The following C1QTNF3 variants were observed in gnomAD, a reference collection of about 807,000 sequenced individuals.
The protein encoded by C1QTNF3 is C1q and TNF related 3.
C1QTNF3 carries 26 observed loss-of-function variants against 32.6 expected under a neutral mutation model. That is an observed-to-expected ratio of 0.80 (90% CI 0.58 to 1.11). The LOEUF (loss-of-function observed/expected upper bound fraction) is 1.11. Ranked by LOEUF, C1QTNF3 falls within the 50% of genes least tolerant of loss-of-function variation. The pLI, the probability that C1QTNF3 is intolerant of heterozygous loss-of-function variation, is 0.00. For synonymous variants in C1QTNF3, 155 were observed against 146.0 expected (o/e 1.06, Z -0.44); for missense variants, 362 against 398.2 (o/e 0.91, Z 0.77).
At chr5:34,207,933 G>A in the C1QTNF3 span, among the ~76,000 whole-genome samples, 434 of 151,972 alleles carry the variant, frequency 2.9e-3, 5 homozygotes, top group African/African-American at 9.8e-3. Context: ...GACTACAGGC[G>A]CCCGCCACCG....
chr5:34,153,966 C>G, the C1QTNF3 span, among the ~76,000 whole-genome samples: 3 of 150,514 alleles, frequency 2.0e-5, no homozygotes, highest in East Asian at 3.9e-4. Flanking sequence ...TATACACATA[C>G]CAAATAATTA....
At chr5:34,198,251 T>G in the C1QTNF3 span, among the ~76,000 whole-genome samples, 1 of 138,282 alleles carries the variant, frequency 7.2e-6, no homozygotes, top group East Asian at 2.0e-4. Context: ...CAAAAATAAA[T>G]AAATAAATAA....
the C1QTNF3 span, among the ~76,000 whole-genome samples, chr5:34,224,204 A>G: frequency 6.6e-6 from 1 of 152,220 alleles, no homozygotes; most frequent in Non-Finnish European, 1.5e-5. Flanking sequence ...AAGAATCAAT[A>G]TGGTGAAAAT....
the C1QTNF3 span, among the ~76,000 whole-genome samples, chr5:34,184,917 A>G: frequency 6.6e-6 from 1 of 152,300 alleles, no homozygotes; most frequent in African/African-American, 2.4e-5. Flanking sequence ...AAAAGATTAC[A>G]GCAGATTCTC....
chr5:34,085,042 G>C, the C1QTNF3 span, among the ~76,000 whole-genome samples: 3 of 130,516 alleles, frequency 2.3e-5, no homozygotes, highest in African/African-American at 9.0e-5. Context: ...CCAGGCTGGA[G>C]TACAGTGGTG....
the C1QTNF3 span, among the ~76,000 whole-genome samples, chr5:34,207,587 G>A: frequency 6.6e-6 from 1 of 151,822 alleles, no homozygotes; most frequent in Non-Finnish European, 1.5e-5. Flanking sequence ...GTTTTGTGCT[G>A]GGCTTCCATT....
the C1QTNF3 span, among the ~76,000 whole-genome samples, chr5:34,149,049 C>T: frequency 3.5e-5 from 1 of 28,350 alleles, no homozygotes; most frequent in African/African-American, 1.0e-4. Flanking sequence ...TCGAGAACTA[C>T]GTGAAGAATG....
chr5:34,029,067 G>A, intron 3 of C1QTNF3, 184 bp from the exon 4 acceptor site: 2 of 443,888 alleles, frequency 4.5e-6, no homozygotes, highest in East Asian at 7.2e-5. Flanking sequence ...CCATTAGATT[G>A]ACAATGTCTA....
At chr5:34,215,525 T>G in the C1QTNF3 span, among the ~76,000 whole-genome samples, 1 of 152,184 alleles carries the variant, frequency 6.6e-6, no homozygotes, top group African/African-American at 2.4e-5. Flanking sequence ...GAACCCCATT[T>G]AGGTTTAGGG....
the C1QTNF3 span, among the ~76,000 whole-genome samples, chr5:34,078,438 A>G: frequency 1.8e-3 from 281 of 152,012 alleles, 5 homozygotes; most frequent in African/African-American, 6.5e-3. The surrounding 1 kb of genome is among the most constrained non-coding windows in gnomAD (Gnocchi z 4.0). Flanking sequence ...AAGGGGAAGC[A>G]GGCACCTCCT....
the C1QTNF3 span, among the ~76,000 whole-genome samples, chr5:34,241,176 T>C: frequency 6.6e-6 from 1 of 151,648 alleles, no homozygotes; most frequent in Admixed American, 6.6e-5. Flanking sequence ...CCACAGCCAA[T>C]ATAATACTCA....
the C1QTNF3 span, among the ~76,000 whole-genome samples, chr5:34,122,192 A>C: frequency 2.0e-5 from 3 of 152,210 alleles, no homozygotes; most frequent in Non-Finnish European, 4.4e-5. Context: ...AAAGAGTTTC[A>C]AAGTGCATGG....
the C1QTNF3 span, among the ~76,000 whole-genome samples, chr5:34,088,285 T>C: frequency 6.6e-6 from 1 of 152,346 alleles, no homozygotes; most frequent in East Asian, 1.9e-4. Flanking sequence ...CTTGAATTCA[T>C]TTTTCACAAG....
chr5:34,081,865 A>T, the C1QTNF3 span, among the ~76,000 whole-genome samples: 8 of 151,766 alleles, frequency 5.3e-5, no homozygotes, highest in South Asian at 2.1e-4. Context: ...GAAACATATC[A>T]TAGTATTTTT....
At chr5:34,173,851 T>A in the C1QTNF3 span, among the ~76,000 whole-genome samples, 2 of 151,044 alleles carry the variant, frequency 1.3e-5, no homozygotes, top group African/African-American at 4.9e-5. Flanking sequence ...GATAGAAGGA[T>A]CTTACAGTGA....
chr5:34,227,699 C>T, the C1QTNF3 span, among the ~76,000 whole-genome samples: 1 of 151,912 alleles, frequency 6.6e-6, no homozygotes, highest in African/African-American at 2.4e-5. Flanking sequence ...AATGGGTTAA[C>T]ATAAACTTTA....
chr5:34,213,786 CAT>C, the C1QTNF3 span, among the ~76,000 whole-genome samples: 2 of 15,454 alleles, frequency 1.3e-4, no homozygotes, highest in African/African-American at 3.7e-4. Flanking sequence ...TGTATATATA[CAT>C]ATATATATAT....
At chr5:34,240,359 G>A in the C1QTNF3 span, among the ~76,000 whole-genome samples, 2 of 151,302 alleles carry the variant, frequency 1.3e-5, no homozygotes, top group Non-Finnish European at 3.0e-5. Context: ...TAAAAAAAGA[G>A]ATTGATAGAC....
the C1QTNF3 span, among the ~76,000 whole-genome samples, chr5:34,244,003 T>C: frequency 6.6e-6 from 1 of 152,222 alleles, no homozygotes; most frequent in African/African-American, 2.4e-5. Context: ...TGGATTAGAA[T>C]ATAATATTTT....
Sources: gnomAD v4.1 joint callset for allele counts (sites outside exome capture counted in the v4.1 genomes callset) on GRCh38, gnomAD v4.1.1 for gene constraint, Gnocchi (gnomAD v3.1) non-coding constraint, MANE v1.5 for transcripts, NCBI Gene and HGNC (gene_info 2026-07-23, HGNC 2026-07-21) for gene names.